The following SLC16A7 variants were observed in gnomAD, a reference collection of about 807,000 sequenced individuals.
SLC16A7 encodes the protein monocarboxylate transporter 2.
Under a neutral mutation model 34.9 loss-of-function variants are expected in SLC16A7, and 33 were observed. The observed-to-expected ratio is 0.94, with a 90% CI of 0.72 to 1.26. The LOEUF is 1.26. Among genes scored for constraint, SLC16A7 ranks in the 50% most tolerant of loss-of-function variants. The probability of loss-of-function intolerance (pLI) is 0.00; values close to 1 mark genes in which losing one functional copy is unlikely to be tolerated. For missense variants in SLC16A7, 573 were observed against 578.1 expected (o/e 0.99, Z 0.09); for synonymous variants, 201 against 206.6 (o/e 0.97, Z 0.23).
At chr12:59,621,383 G>A (rs1053083180) in intron 1 of SLC16A7, among the ~76,000 whole-genome samples, 1 of 151,792 alleles carries the variant, frequency 6.6e-6, no homozygotes, top group African/African-American at 2.4e-5. Flanking sequence ...TGGACTATAG[G>A]CTACCACCCA....
rs774507817 is a variant in SLC16A7 at position 59,723,856 on chromosome 12, CT to C, written c.217+18845del. Among the ~76,000 whole-genome samples, 193 of 151,952 alleles carry C rather than the reference CT, an allele frequency of 1.3e-3. 3 individuals carry two copies. The South Asian group carries it at 0.02, about 16-fold the overall frequency. On this transcript the variant is annotated intron_variant, in intron 3 of 5. Coordinates refer to ENST00000547379, the MANE Select transcript of SLC16A7 (RefSeq NM_001270623.2). ...TCTACTGTTGTTCCCGTTTATATTG[CT>C]TTTTTTGTTTCCATTGCCTTTTTTT...
At chr12:59,749,298 C>T (rs1178601234) in intron 3 of SLC16A7, among the ~76,000 whole-genome samples, 1 of 152,188 alleles carries the variant, frequency 6.6e-6, no homozygotes, top group East Asian at 1.9e-4. Flanking sequence ...TGCTGTACAA[C>T]AAGAAGGCCT....
intron 1 of SLC16A7, among the ~76,000 whole-genome samples, chr12:59,638,042 C>T (rs1408533854): frequency 6.6e-6 from 1 of 152,074 alleles, no homozygotes; most frequent in Non-Finnish European, 1.5e-5. Context: ...AATTACCCAC[C>T]CTGTGGTTTT....
intron 1 of SLC16A7, among the ~76,000 whole-genome samples, chr12:59,601,211 TATTA>T (rs1163507999): frequency 6.6e-6 from 1 of 152,214 alleles, no homozygotes; most frequent in Non-Finnish European, 1.5e-5. Flanking sequence ...TATGTATCAT[TATTA>T]ATTAGTCAAT....
intron 5 of SLC16A7, among the ~76,000 whole-genome samples, chr12:59,776,346 C>G (rs1306533787): frequency 1.3e-5 from 2 of 152,166 alleles, no homozygotes; most frequent in Non-Finnish European, 2.9e-5. Flanking sequence ...ATTATGCCTT[C>G]TGAACTTATG....
chr12:59,753,981 C>G (rs1483152255), intron 3 of SLC16A7, among the ~76,000 whole-genome samples: 2 of 152,160 alleles, frequency 1.3e-5, no homozygotes, highest in Non-Finnish European at 2.9e-5. Context: ...TACATGGAAA[C>G]TGAACAACCT....
chr12:59,726,222 A>G (rs949849223), intron 3 of SLC16A7, among the ~76,000 whole-genome samples: 3 of 152,156 alleles, frequency 2.0e-5, no homozygotes, highest in Admixed American at 6.6e-5. Flanking sequence ...TGGCGTTCAC[A>G]CTGAAATTAA....
intron 1 of SLC16A7, among the ~76,000 whole-genome samples, chr12:59,598,230 T>C (rs1391129): frequency 0.66 from 99,878 of 152,130 alleles, 33,260 homozygotes; most frequent in South Asian, 0.78. Flanking sequence ...GGTTGAGTAA[T>C]TGTTTAACAA....
rs750611378 is a variant in SLC16A7, at chr12:59,779,539, G to A, written c.1297G>A (p.Ala433Thr). The change falls in exon 6 of 6, where the codon GCA becomes ACA. Residue 433 changes from alanine (A) to threonine (T), a missense_variant. Coordinates refer to ENST00000547379, the MANE Select transcript of SLC16A7 (RefSeq NM_001270623.2). ...CAATGCTATCAACTATAGATTGCTT[G>A]CAAAGGAAAGGAAGGAGGAAAATGC... The part of the protein sequence containing the change: ...IGNAINYRLL[A>T]KERKEENARQ... 8 of 1,612,956 alleles carry A rather than the reference G, an allele frequency of 5.0e-6. No individual in the cohort carries two copies. The Admixed American group carries it at 1.2e-4, about 24-fold the overall frequency.
intron 2 of SLC16A7, among the ~76,000 whole-genome samples, chr12:59,687,966 A>G (rs1871287724): frequency 6.6e-6 from 1 of 152,146 alleles, no homozygotes; most frequent in Non-Finnish European, 1.5e-5. Flanking sequence ...AAGTATTAAC[A>G]AAAATAAAAT....
At chr12:59,736,426 A>G (rs914627336) in intron 3 of SLC16A7, among the ~76,000 whole-genome samples, 1 of 152,206 alleles carries the variant, frequency 6.6e-6, no homozygotes, top group African/African-American at 2.4e-5. Context: ...CCAAATTACT[A>G]ACTCCAGCAG....
chr12:59,782,152 A>G lies in SLC16A7; in HGVS notation c.*2473A>G, dbSNP rs1883295521. The G allele has an allele frequency of 6.6e-6, 1 of 152,222 alleles. No homozygotes were observed. The highest frequency in any genetic ancestry group is 2.1e-4 in the South Asian group (1 of 4,832). The allele number at this position is 152,222 out of a possible 1,614,324, so 9.4% of individuals were successfully genotyped here. On this transcript the variant is annotated 3_prime_UTR_variant, in exon 6 of 6. Coordinates refer to ENST00000547379, the MANE Select transcript of SLC16A7 (RefSeq NM_001270623.2). ...CATGATTTGTACAGTCACACCTGGC[A>G]GTAGCACTGCACAGTTACAAATATG... is the stretch of plus-strand genomic sequence containing the variant.
chr12:59,747,694 C>T (rs548206595), intron 3 of SLC16A7, among the ~76,000 whole-genome samples: 2 of 152,210 alleles, frequency 1.3e-5, no homozygotes, highest in African/African-American at 2.4e-5. Flanking sequence ...ATTATTTGAG[C>T]AGTTCTTTCT....
At chr12:59,762,138 T>C (rs971860070) in intron 3 of SLC16A7, among the ~76,000 whole-genome samples, 1 of 152,236 alleles carries the variant, frequency 6.6e-6, no homozygotes, top group African/African-American at 2.4e-5. Context: ...CATTCTACTG[T>C]GTCATGTGAA....
intron 1 of SLC16A7, among the ~76,000 whole-genome samples, chr12:59,623,906 T>A (rs1879808889): frequency 6.6e-6 from 1 of 151,530 alleles, no homozygotes; most frequent in Non-Finnish European, 1.5e-5. Context: ...GATTAAGGAA[T>A]TTTTCTTCTA....
At chr12:59,765,961 G>A (rs374016471) in intron 3 of SLC16A7, among the ~76,000 whole-genome samples, 51 of 152,006 alleles carry the variant, frequency 3.4e-4, no homozygotes, top group East Asian at 1.5e-3. Flanking sequence ...CTTCCTACCC[G>A]TGAGCATGGA....
intron 1 of SLC16A7, among the ~76,000 whole-genome samples, chr12:59,641,617 C>T (rs943206762): frequency 2.0e-5 from 3 of 151,684 alleles, no homozygotes; most frequent in Non-Finnish European, 4.4e-5. Flanking sequence ...AAAATATTGC[C>T]TTTGTAACTT....
chr12:59,656,495 G>A (rs1184720703), intron 2 of SLC16A7, among the ~76,000 whole-genome samples: 1 of 151,928 alleles, frequency 6.6e-6, no homozygotes, highest in Non-Finnish European at 1.5e-5. Flanking sequence ...TTCAGAGTAT[G>A]GAAAAGCAAG....
At chr12:59,671,857 G>GTATATGTA (rs199849060) in intron 2 of SLC16A7, among the ~76,000 whole-genome samples, 2,770 of 69,808 alleles carry the variant, frequency 0.04, 655 homozygotes, top group African/African-American at 0.068. Context: ...ATATATATGT[G>GTATATGTA]TATATGTATA....
Sources: gnomAD v4.1 joint callset for allele counts (sites outside exome capture counted in the v4.1 genomes callset) on GRCh38, gnomAD v4.1.1 for gene constraint, MANE v1.5 for transcripts, NCBI Gene and HGNC (gene_info 2026-07-23, HGNC 2026-07-21) for gene names.